The following PTPRD variants were observed in gnomAD, a reference collection of about 807,000 sequenced individuals.
The protein encoded by PTPRD is protein tyrosine phosphatase receptor type D.
Under a neutral mutation model 214.5 loss-of-function variants are expected in PTPRD, and 34 were observed. The observed-to-expected ratio is 0.16, with a 90% CI of 0.12 to 0.21. The LOEUF (loss-of-function observed/expected upper bound fraction) is 0.21. PTPRD is among the 10% of genes least tolerant of loss of function. The pLI is 1.00. For missense variants in PTPRD, 2,545 were observed against 2,398.7 expected (o/e 1.06, Z -1.27); for synonymous variants, 1,128 against 845.7 (o/e 1.33, Z -5.79).
chr9:9,994,968 T>C (rs1200340641), intron 4 of PTPRD, among the ~76,000 whole-genome samples: 1 of 152,060 alleles, frequency 6.6e-6, no homozygotes, highest in Non-Finnish European at 1.5e-5. Flanking sequence ...CTTTAGTACA[T>C]TTAAAATTTA....
At chr9:9,065,415 A>C (rs1007280914) in intron 10 of PTPRD, among the ~76,000 whole-genome samples, 1 of 152,192 alleles carries the variant, frequency 6.6e-6, no homozygotes, top group African/African-American at 2.4e-5. Context: ...GCTGGACTGT[A>C]CTAGCATGTG....
intron 3 of PTPRD, among the ~76,000 whole-genome samples, chr9:10,333,955 G>A (rs1267655423): frequency 6.6e-6 from 1 of 151,632 alleles, no homozygotes; most frequent in East Asian, 2.0e-4. Flanking sequence ...AAATGTTACA[G>A]AAATAACATT....
At chr9:8,776,812 A>G (rs2095496748) in intron 11 of PTPRD, among the ~76,000 whole-genome samples, 1 of 147,516 alleles carries the variant, frequency 6.8e-6, no homozygotes, top group African/African-American at 2.5e-5. Flanking sequence ...TTATATATGT[A>G]TAATATATAA....
intron 2 of PTPRD, among the ~76,000 whole-genome samples, chr9:10,405,039 C>A (rs909736809): frequency 7.4e-6 from 1 of 134,602 alleles, no homozygotes; most frequent in Non-Finnish European, 1.6e-5. Context: ...TAATTTCATC[C>A]CTTCTTGCTT....
chr9:8,923,675 C>G (rs1409246459), intron 11 of PTPRD, among the ~76,000 whole-genome samples: 1 of 152,174 alleles, frequency 6.6e-6, no homozygotes, highest in Non-Finnish European at 1.5e-5. Context: ...TCTTAAATCT[C>G]TTTAAAAAAT....
chr9:10,451,510 G>A (rs964436262), intron 2 of PTPRD, among the ~76,000 whole-genome samples: 1 of 151,398 alleles, frequency 6.6e-6, no homozygotes, highest in Non-Finnish European at 1.5e-5. Flanking sequence ...CTTCCCGCTT[G>A]TCTGATCTGG....
At chr9:9,504,525 GA>G in intron 8 of PTPRD, among the ~76,000 whole-genome samples, 1 of 151,734 alleles carries the variant, frequency 6.6e-6, no homozygotes, top group Admixed American at 6.6e-5. Flanking sequence ...CCTACCATGT[GA>G]AAAGCCTGCA....
chr9:9,086,703 A>G (rs994891391), intron 10 of PTPRD, among the ~76,000 whole-genome samples: 2 of 152,200 alleles, frequency 1.3e-5, no homozygotes, highest in Non-Finnish European at 2.9e-5. Flanking sequence ...GTGACTAACA[A>G]TGGACATCTA....
intron 3 of PTPRD, among the ~76,000 whole-genome samples, chr9:10,262,636 T>C (rs2093772490): frequency 6.6e-6 from 1 of 152,216 alleles, no homozygotes; most frequent in Admixed American, 6.5e-5. Flanking sequence ...CTGGATCAAA[T>C]ACAGGCTTAG....
chr9:8,713,890 C>T (rs1207168955), intron 12 of PTPRD: 4 of 972,218 alleles, frequency 4.1e-6, no homozygotes, highest in Admixed American at 2.7e-5. Flanking sequence ...AGGAACGCCC[C>T]GGTGGAAAAA....
Position 10,419,348 on chromosome 9 carries a change from T to C in PTPRD, c.-599-78331A>G, listed in dbSNP as rs529413998. 2.0e-5 allele frequency among the ~76,000 whole-genome samples: 3 copies of C among 152,020 alleles called. No homozygotes were observed. The South Asian group carries it at 6.2e-4, about 31-fold the overall frequency. ...CTGGTCGCTTCTCTCCTAACATTAG[T>C]GATGTTTACTACATTATCAGGGCTA... On this transcript the variant is annotated intron_variant, in intron 2 of 45. Transcript: ENST00000381196.
chr9:8,417,514 T>C (rs2094029020), intron 35 of PTPRD, among the ~76,000 whole-genome samples: 1 of 152,188 alleles, frequency 6.6e-6, no homozygotes, highest in Non-Finnish European at 1.5e-5. Flanking sequence ...GTTTAATGGA[T>C]AGCACTTTAA....
intron 11 of PTPRD, among the ~76,000 whole-genome samples, chr9:8,936,446 A>AAAAAAAAAAAAAAAAAAAAAAAAT (rs2098998275): frequency 6.6e-6 from 1 of 150,426 alleles, no homozygotes; most frequent in Non-Finnish European, 1.5e-5. Context: ...AAAAAAAAAA[A>AAAAAAAAAAAAAAAAAAAAAAAAT]AAAAGAAGAT....
chr9:8,519,953 T>C (rs1369471115), intron 20 of PTPRD, among the ~76,000 whole-genome samples: 1 of 152,170 alleles, frequency 6.6e-6, no homozygotes, highest in Non-Finnish European at 1.5e-5. Flanking sequence ...TGATTCAATA[T>C]TTACACACTA....
At position 10,449,689 on chromosome 9, in the gene PTPRD, C is replaced by T. The variant is rs530636727; in HGVS notation, c.-599-108672G>A. On this transcript the variant is annotated intron_variant, in intron 2 of 45. Coordinates refer to ENST00000381196, the MANE Select transcript of PTPRD (RefSeq NM_002839.4). ...GAGGAGCGCCTCTGCCCGGCCGCCC[C>T]GTCTGAGAAGTGAGGAGCCCCTCTG... 1.5e-3 allele frequency among the ~76,000 whole-genome samples: 220 copies of T among 145,676 alleles called. 3 individuals carry two copies. The highest frequency in any genetic ancestry group is 0.014 in the South Asian group (66 of 4,784).
chr9:10,395,832 C>T (rs566553232), intron 2 of PTPRD, among the ~76,000 whole-genome samples: 4 of 151,748 alleles, frequency 2.6e-5, no homozygotes, highest in Non-Finnish European at 4.4e-5. Context: ...CAGTGAAAAA[C>T]GTGCAATTTC....
At chr9:10,166,253 A>AC (rs1226434279) in intron 3 of PTPRD, among the ~76,000 whole-genome samples, 11 of 150,012 alleles carry the variant, frequency 7.3e-5, no homozygotes, top group South Asian at 4.2e-4. Context: ...GAAAAAAAAA[A>AC]AAAACAAAAC....
intron 3 of PTPRD, among the ~76,000 whole-genome samples, chr9:10,061,577 G>A (rs1453649286): frequency 1.3e-5 from 2 of 151,928 alleles, no homozygotes; most frequent in Non-Finnish European, 2.9e-5. Context: ...ATCTTATATT[G>A]TCTTCTATGA....
At chr9:10,473,540 A>T (rs1303001693) in intron 2 of PTPRD, among the ~76,000 whole-genome samples, 2 of 152,130 alleles carry the variant, frequency 1.3e-5, no homozygotes, top group East Asian at 3.9e-4. Flanking sequence ...ATGTGTACAC[A>T]TATGTGTTTG....
Sources: gnomAD v4.1 joint callset for allele counts (sites outside exome capture counted in the v4.1 genomes callset) on GRCh38, gnomAD v4.1.1 for gene constraint, MANE v1.5 for transcripts, NCBI Gene and HGNC (gene_info 2026-07-23, HGNC 2026-07-21) for gene names.